Variants in SAR1B observed in about 807,000 individuals in gnomAD.
SAR1B encodes the protein small COPII coat GTPase SAR1B.
In SAR1B, 23 loss-of-function variants were observed where a neutral mutation model predicts 26.8. The ratio of observed to expected loss-of-function variants is 0.86; its 90% CI spans 0.62 to 1.22. The LOEUF is 1.22. SAR1B is among the 50% of genes most tolerant of loss of function. The probability of loss-of-function intolerance (pLI) is 0.00; values close to 1 mark genes in which losing one functional copy is unlikely to be tolerated. For synonymous variants in SAR1B, 65 were observed against 80.8 expected, an observed-to-expected ratio of 0.80 and a Z score of 1.05; for missense variants, 196 against 232.8, an observed-to-expected ratio of 0.84 and a Z score of 1.03.
Position 134,605,943 on chromosome 5 carries a change from T to C in SAR1B, c.*1007A>G, listed in dbSNP as rs757186495. The C allele has an allele frequency of 3.9e-5, 6 of 152,194 alleles. No individual in the cohort carries two copies. The highest frequency in any genetic ancestry group is 8.8e-5 in the Non-Finnish European group (6 of 68,036). 9.4% of individuals were successfully genotyped at this position (152,194 alleles called of 1,614,324 possible). A position where few individuals can be genotyped will look rare whatever the true frequency, so the allele number is the denominator to read the frequency against. On this transcript the variant is annotated 3_prime_UTR_variant, in exon 7 of 7. Transcript: ENST00000402673. ...ACTTATTGCTTGCCCCAGAGAGTAC[T>C]GTTAAATGTACAGAGACTGGGAATA...
rs1340025054 is a variant in SAR1B at position 134,603,968 on chromosome 5, T to C, written c.*2982A>G. On this transcript the variant is annotated 3_prime_UTR_variant, in exon 7 of 7. Transcript: ENST00000402673. ...TCTGCACAGGCAGTATCTGTGTTCA[T>C]ATATCTTTGGCACTCATACAAAGAT... 6.6e-6 allele frequency: 1 copy of C among 152,246 alleles called. No individual in the cohort carries two copies. Among genetic ancestry groups the C allele is most frequent in the Non-Finnish European group, 1.5e-5 (1 of 68,046 alleles). The allele number at this position is 152,246 out of a possible 1,614,324, so 9.4% of individuals were successfully genotyped here.
chr5:134,610,341 G>A (rs1299779585), intron 4 of SAR1B, among the ~76,000 whole-genome samples: 1 of 152,054 alleles, frequency 6.6e-6, no homozygotes, highest in Non-Finnish European at 1.5e-5. Flanking sequence ...GGACACAGTG[G>A]CTCATGCCTG....
Position 134,604,029 on chromosome 5 carries a change from T to C in SAR1B, c.*2921A>G, listed in dbSNP as rs914324511. On this transcript the variant is annotated 3_prime_UTR_variant, in exon 7 of 7. Coordinates refer to ENST00000402673, the MANE Select transcript of SAR1B (RefSeq NM_016103.4). The stretch of plus-strand genomic sequence containing the variant: ...ACCAACAGTGAATAATTTTTTTTCA[T>C]ATACTTTAGGAAATGTCTGTTCTCC... The C allele has an allele frequency of 6.6e-6, 1 of 152,200 alleles. No individual in the cohort carries two copies. Among genetic ancestry groups the C allele is most frequent in the Non-Finnish European group, 1.5e-5 (1 of 68,036 alleles). The allele number at this position is 152,200 out of a possible 1,614,324, so 9.4% of individuals were successfully genotyped here. A position where few individuals can be genotyped will look rare whatever the true frequency, so the allele number is the denominator to read the frequency against.
intron 3 of SAR1B, chr5:134,613,853 ATGT>A (rs1250565518): frequency 6.6e-6 from 1 of 152,246 alleles, no homozygotes; most frequent in East Asian, 1.9e-4. Context: ...AGACTGCCTG[ATGT>A]TGTCTCACCA....
intron 1 of SAR1B, among the ~76,000 whole-genome samples, chr5:134,631,113 C>T (rs1299562392): frequency 2.6e-5 from 4 of 151,332 alleles, no homozygotes; most frequent in African/African-American, 9.7e-5. Flanking sequence ...CTATGTTGCC[C>T]AGGCTGATTT....
intron 4 of SAR1B, 49 bp from the exon 5 acceptor site, chr5:134,609,723 C>A (rs1270201017): frequency 4.1e-6 from 6 of 1,465,590 alleles, no homozygotes; most frequent in Non-Finnish European, 5.7e-6. Flanking sequence ...TCAAACCCAG[C>A]AGATGGTTTA....
intron 3 of SAR1B, 64 bp downstream of exon 3, chr5:134,620,868 TG>T (rs1765393918): frequency 5.7e-6 from 9 of 1,581,158 alleles, no homozygotes. Flanking sequence ...AAAACACTTT[TG>T]GTTAGTGCAT....
At chr5:134,628,214 A>AT (rs1386762467) in intron 1 of SAR1B, among the ~76,000 whole-genome samples, 3 of 152,102 alleles carry the variant, frequency 2.0e-5, no homozygotes, top group Non-Finnish European at 4.4e-5. Context: ...CCCCATTTCT[A>AT]TAAAAAATAC....
intron 3 of SAR1B, among the ~76,000 whole-genome samples, chr5:134,619,093 A>G (rs537863416): frequency 3.5e-4 from 53 of 150,924 alleles, no homozygotes; most frequent in African/African-American, 1.1e-3. Flanking sequence ...ACTTTGGGAG[A>G]CTGAGGTGGG....
chr5:134,611,002 T>A (rs796700828), intron 4 of SAR1B, among the ~76,000 whole-genome samples: 1 of 151,930 alleles, frequency 6.6e-6, no homozygotes, highest in South Asian at 2.1e-4. Flanking sequence ...TAGGTAGGAC[T>A]ATCAGTGTCT....
intron 3 of SAR1B, chr5:134,618,292 G>C (rs1350931830): frequency 6.6e-6 from 1 of 151,962 alleles, no homozygotes; most frequent in Non-Finnish European, 1.5e-5. Context: ...ACTCCAGCCT[G>C]GGTGACAGAG....
Position 134,606,119 on chromosome 5 carries a change from A to G in SAR1B, c.*831T>C, listed in dbSNP as rs1467354100. ...ACCAAACTGAGAATCAACCTTGTGT[A>G]CCATAAATGTGCTTTTCTTCAGAAG... On this transcript the variant is annotated 3_prime_UTR_variant, in exon 7 of 7. Coordinates refer to ENST00000402673, the MANE Select transcript of SAR1B (RefSeq NM_016103.4). 1.3e-5 allele frequency: 2 copies of G among 152,308 alleles called. No homozygotes were observed. Among genetic ancestry groups the G allele is most frequent in the African/African-American group, 2.4e-5 (1 of 41,450 alleles). The allele number at this position is 152,308 out of a possible 1,614,324, so 9.4% of individuals were successfully genotyped here.
At chr5:134,625,232 A>G (rs1037058094) in intron 1 of SAR1B, among the ~76,000 whole-genome samples, 1 of 152,196 alleles carries the variant, frequency 6.6e-6, no homozygotes, top group Non-Finnish European at 1.5e-5. Context: ...AAGACTGCCA[A>G]AAAAAGCCAA....
chr5:134,609,402 T>C (rs1765178181), intron 5 of SAR1B, among the ~76,000 whole-genome samples, 169 bp downstream of exon 5: 2 of 152,216 alleles, frequency 1.3e-5, no homozygotes, highest in Admixed American at 1.3e-4. Flanking sequence ...AGTTACTCCC[T>C]CTGCATTCTA....
intron 2 of SAR1B, among the ~76,000 whole-genome samples, chr5:134,621,777 C>T (rs1268430353): frequency 5.3e-5 from 8 of 152,174 alleles, no homozygotes; most frequent in Admixed American, 3.9e-4. Flanking sequence ...TACTCTGTTG[C>T]CCAGGCTGGA....
chr5:134,630,332 G>A (rs1170482977), intron 1 of SAR1B, among the ~76,000 whole-genome samples: 18 of 151,862 alleles, frequency 1.2e-4, no homozygotes. Context: ...GTGTATGCCT[G>A]TAATCCCAGC....
chr5:134,630,194 G>A (rs1765576994), intron 1 of SAR1B, among the ~76,000 whole-genome samples: 1 of 151,784 alleles, frequency 6.6e-6, no homozygotes, highest in African/African-American at 2.4e-5. Flanking sequence ...GGTGGCTCAC[G>A]CCTGTAATCC....
At position 134,612,674 on chromosome 5, in the gene SAR1B, A is replaced by AAAAAAAAT; in HGVS notation, c.244+16_244+17insATTTTTTT. The AAAAAAAAT allele has an allele frequency of 9.0e-7, 1 of 1,106,362 alleles. No homozygotes were observed. Among genetic ancestry groups the AAAAAAAAT allele is most frequent in the Non-Finnish European group, 1.2e-6 (1 of 806,138 alleles). The allele number at this position is 1,106,362 out of a possible 1,614,324, so 68.5% of individuals were successfully genotyped here. A position where few individuals can be genotyped will look rare whatever the true frequency, so the allele number is the denominator to read the frequency against. Reference sequence around the variant, plus strand: ...AAAAAAAAAAAAAAAAAAAAAAAAAAAAAAAAAGAATCTTACCTTGAACAT... The same window carrying AAAAAAAAT: ...AAAAAAAAAAAAAAAAAAAAAAAAAAAAAAAAATAAAAAAAGAATCTTACCTTGAACAT... On this transcript the variant is annotated intron_variant, in intron 4 of 6. Transcript: ENST00000402673.
chr5:134,631,327 A>AT (rs1319016374), intron 1 of SAR1B, among the ~76,000 whole-genome samples: 1 of 152,146 alleles, frequency 6.6e-6, no homozygotes, highest in Non-Finnish European at 1.5e-5. Context: ...CTATCTTAAC[A>AT]TTTTTTAAGT....
Sources: gnomAD v4.1 joint callset for allele counts (sites outside exome capture counted in the v4.1 genomes callset) on GRCh38, gnomAD v4.1.1 for gene constraint, MANE v1.5 for transcripts, NCBI Gene and HGNC (gene_info 2026-07-23, HGNC 2026-07-21) for gene names.